The following MYH7B variants were observed in gnomAD, a reference collection of about 807,000 sequenced individuals.
The protein encoded by MYH7B is myosin-7B.
In MYH7B, 205 loss-of-function variants were observed where a neutral mutation model predicts 234.5. The observed-to-expected ratio is 0.87, with a 90% CI of 0.78 to 0.98. MYH7B has a LOEUF of 0.98. MYH7B is among the 50% of genes least tolerant of loss of function. MYH7B has a pLI of 0.00. For missense variants in MYH7B, 2,652 were observed against 2,633.4 expected (o/e 1.01, Z -0.15); for synonymous variants, 1,193 against 1,105.0 (o/e 1.08, Z -1.58).
At chr20:34,958,642 T>A (rs1206536756) in intron 2 of MYH7B, among the ~76,000 whole-genome samples, 1 of 152,162 alleles carries the variant, frequency 6.6e-6, no homozygotes, top group Non-Finnish European at 1.5e-5. Context: ...ATTTTTGTAT[T>A]TTTAGGAGAG....
Position 35,000,622 on chromosome 20 carries a change from G to A in MYH7B, c.5111G>A (p.Arg1704His), listed in dbSNP as rs373972122. 3.2e-5 allele frequency: 51 copies of A among 1,575,252 alleles called. No individual in the cohort carries two copies. Among genetic ancestry groups the A allele is most frequent in the African/African-American group, 2.1e-4 (16 of 74,658 alleles). The change falls in exon 39 of 45, where the codon CGC (arginine) becomes CAC (histidine). Residue 1704 changes from arginine (R) to histidine (H), a missense_variant. Arg to His is a conservative substitution (Grantham distance 29). This residue lies in a region of MYH7B where 2,279 missense variants were observed against 2,211.4 expected (regional missense o/e 1.03). Transcript: ENST00000262873. Reference sequence around the variant, plus strand: ...CGGGCTGCCCTGGAGCAGGGCGAGCGCAGCCGGCGACTGGCAGAGCAGGAG... The same window carrying A: ...CGGGCTGCCCTGGAGCAGGGCGAGCACAGCCGGCGACTGGCAGAGCAGGAG...
intron 2 of MYH7B, among the ~76,000 whole-genome samples, chr20:34,972,823 G>C (rs938302639): frequency 6.6e-6 from 1 of 152,084 alleles, no homozygotes; most frequent in Admixed American, 6.5e-5. Flanking sequence ...GTCGAGACAG[G>C]GTCTTGCTAT....
rs6060137 is a variant in MYH7B at position 34,977,677 on chromosome 20, C to G, written c.-76C>G. The stretch of plus-strand genomic sequence containing the variant: ...GAGCTTCCTGCCCTCACCGTGGTGC[C>G]GAGGTAGGTGATCAGGGCTGGGGTT... On this transcript the variant is annotated 5_prime_UTR_variant, in exon 4 of 45. Transcript: ENST00000262873. 9 of 1,472,668 alleles carry G rather than the reference C, an allele frequency of 6.1e-6. No individual in the cohort carries two copies. The South Asian group carries it at 9.5e-5, about 16-fold the overall frequency. The allele number at this position is 1,472,668 out of a possible 1,614,324, so 91.2% of individuals were successfully genotyped here. A position where few individuals can be genotyped will look rare whatever the true frequency, so the allele number is the denominator to read the frequency against.
exon 7 of MYH7B, chr20:34,979,760 G>A: frequency 6.2e-7 from 1 of 1,614,148 alleles, no homozygotes; most frequent in Non-Finnish European, 8.5e-7. Flanking sequence ...CGAGGCCTCT[G>A]TGCTGCACAA....
At chr20:34,983,666 T>C (rs1474966309) in intron 10 of MYH7B, among the ~76,000 whole-genome samples, 2 of 152,164 alleles carry the variant, frequency 1.3e-5, no homozygotes, top group Non-Finnish European at 1.5e-5. Context: ...CTTAAAAGAT[T>C]GATCAGCTCC....
chr20:34,980,705 C>T lies in MYH7B; in HGVS notation c.470C>T (p.Ala157Val), dbSNP rs1015800857. The T allele has an allele frequency of 4.3e-6, 7 of 1,614,044 alleles. No homozygotes were observed. The Admixed American group carries it at 6.7e-5, about 15-fold the overall frequency. Residue 157 changes from alanine (A) to valine (V), a missense_variant, in exon 8 of 45, where the codon GCG (alanine) becomes GTG (valine). Transcript: ENST00000262873. ...TCCCCGCCCCATATATATGCGGTGG[C>T]GGACAACGCCTACAACGACATGCTG... is the stretch of plus-strand genomic sequence containing the variant.
At chr20:34,963,020 C>T (rs1206036273) in intron 2 of MYH7B, among the ~76,000 whole-genome samples, 1 of 152,238 alleles carries the variant, frequency 6.6e-6, no homozygotes, top group Non-Finnish European at 1.5e-5. Context: ...ATCGCTTGAA[C>T]CCCAGAGGCA....
In MYH7B at chr20:34,975,238, G is replaced by T. The variant is rs543951463; in HGVS notation, c.-221-162G>T. Among the ~76,000 whole-genome samples, 26 of 152,272 alleles carry T rather than the reference G, an allele frequency of 1.7e-4. 1 individual carries two copies. In the South Asian group the frequency reaches 5.0e-3, roughly 29 times the overall value. Reference sequence around the variant, plus strand: ...GTTTTGTTGTTGCTTTTGAGACTGGGTCTGTTGCCCAGCTGGAGTGCAATG... The same window carrying T: ...GTTTTGTTGTTGCTTTTGAGACTGGTTCTGTTGCCCAGCTGGAGTGCAATG... On this transcript the variant is annotated intron_variant, in intron 2 of 44. Coordinates refer to ENST00000262873, the Ensembl canonical transcript of MYH7B.
Position 34,988,078 on chromosome 20 carries a change from C to T in MYH7B, c.1417-14C>T, listed in dbSNP as rs747237002. ...TGCGAGAGGTCTGCTGAGCCAGGCCCCTCCCTCTTGTAGTTCAACAGCTTC... is the reference window on the plus strand; with the variant it reads ...TGCGAGAGGTCTGCTGAGCCAGGCCTCTCCCTCTTGTAGTTCAACAGCTTC... On this transcript the variant is annotated splice_polypyrimidine_tract_variant and intron_variant, in intron 18 of 44. Transcript: ENST00000262873. 3 of 1,607,012 alleles carry T rather than the reference C, an allele frequency of 1.9e-6. No homozygotes were observed. The East Asian group carries it at 6.7e-5, about 36-fold the overall frequency.
chr20:34,978,689 C>A (rs920203090), intron 5 of MYH7B, among the ~76,000 whole-genome samples: 6 of 152,142 alleles, frequency 3.9e-5, no homozygotes, highest in African/African-American at 1.4e-4. Flanking sequence ...CTAAGAGGGA[C>A]CTTGTGTTTG....
chr20:35,001,241 G>C lies in MYH7B; in HGVS notation c.5476-4G>C. ...TTGGCATCAGGCTGTCCCCCTGCCT[G>C]CAGGTACGGGAGCTGGAGGCTGAGC... On this transcript the variant is annotated splice_polypyrimidine_tract_variant and splice_region_variant and intron_variant, in intron 41 of 44. Transcript: ENST00000262873. 1 of 1,608,980 alleles carries C rather than the reference G, an allele frequency of 6.2e-7. No individual in the cohort carries two copies. The highest frequency in any genetic ancestry group is 2.2e-5 in the East Asian group (1 of 44,744).
chr20:34,971,574 A>G (rs759681545), intron 2 of MYH7B, among the ~76,000 whole-genome samples: 1 of 152,146 alleles, frequency 6.6e-6, no homozygotes, highest in Non-Finnish European at 1.5e-5. Context: ...ACCTGGGACA[A>G]GCAGGGGCCC....
At chr20:34,989,780 T>C in exon 20 of MYH7B, 2 of 1,614,044 alleles carry the variant, frequency 1.2e-6, no homozygotes, top group Non-Finnish European at 1.7e-6. Flanking sequence ...GAATGCATGT[T>C]CCCCAAGGCC....
At chr20:35,001,297 C>T (rs1210485182) in exon 42 of MYH7B, 3 of 1,612,896 alleles carry the variant, frequency 1.9e-6, no homozygotes, top group Non-Finnish European at 2.5e-6. Context: ...CACGCCGAGG[C>T]CCTTAAGGGC....
intron 5 of MYH7B, among the ~76,000 whole-genome samples, chr20:34,978,351 C>G (rs1339072331): frequency 1.3e-5 from 2 of 152,148 alleles, no homozygotes; most frequent in Non-Finnish European, 2.9e-5. Flanking sequence ...CCTTCCGGAG[C>G]TGCAGTTTAT....
At chr20:34,970,912 G>A (rs371969581) in intron 2 of MYH7B, among the ~76,000 whole-genome samples, 3 of 152,160 alleles carry the variant, frequency 2.0e-5, no homozygotes, top group African/African-American at 7.2e-5. Flanking sequence ...GCTGGGGGTG[G>A]GAGGGCAGAC....
rs181927132 is a variant in MYH7B, at chr20:34,987,099, C to G, written c.1009-50C>G. ...GTCCCGGGGCAGTGCCTGGCTGGAC[C>G]CTGGAGGAGCCCAGACCTCTCTGAA... On this transcript the variant is annotated intron_variant, in intron 15 of 44. Transcript: ENST00000262873. 9.6e-4 allele frequency: 1,546 copies of G among 1,610,722 alleles called. 6 individuals carry two copies. Among genetic ancestry groups the G allele is most frequent in the Middle Eastern group, 5.8e-3 (35 of 6,022 alleles).
exon 25 of MYH7B, chr20:34,993,178 G>A: frequency 6.2e-7 from 1 of 1,614,026 alleles, no homozygotes; most frequent in Non-Finnish European, 8.5e-7. Context: ...GAAACTGCTG[G>A]GCTCGCTGGA....
chr20:34,995,410 G>T, exon 28 of MYH7B: 1 of 1,614,020 alleles, frequency 6.2e-7, no homozygotes, highest in Non-Finnish European at 8.5e-7. Context: ...TGGAGGGGAA[G>T]GTGAAGGAGC....
Sources: gnomAD v4.1 joint callset for allele counts (sites outside exome capture counted in the v4.1 genomes callset) on GRCh38, gnomAD v4.1.1 for gene constraint, gnomAD v4.1.1 regional missense constraint, MANE v1.5 for transcripts, NCBI Gene and HGNC (gene_info 2026-07-23, HGNC 2026-07-21) for gene names.